GAB1: variants seen among roughly 807,000 people sequenced by gnomAD.
The protein encoded by GAB1 is GRB2 associated binding protein 1.
GAB1 carries 19 observed loss-of-function variants against 66.5 expected under a neutral mutation model. The ratio of observed to expected loss-of-function variants is 0.29; its 90% confidence interval spans 0.20 to 0.42. The LOEUF (loss-of-function observed/expected upper bound fraction) is 0.42. Among genes scored for constraint, GAB1 ranks in the 10% least tolerant of loss-of-function variants. GAB1 has a pLI of 1.00. For missense variants in GAB1, 732 were observed against 858.5 expected, an observed-to-expected ratio of 0.85 and a Z score of 1.84; for synonymous variants, 294 against 301.4, an observed-to-expected ratio of 0.98 and a Z score of 0.25.
intron 1 of GAB1, 111 bp from the exon 2 acceptor site, chr4:143,415,366 T>C (rs1732627070): frequency 2.4e-6 from 2 of 842,268 alleles, no homozygotes; most frequent in Middle Eastern, 3.6e-4. Context: ...CACACACATA[T>C]TGTGACTTTC....
chr4:143,421,256 G>A (rs964605705), intron 2 of GAB1, among the ~76,000 whole-genome samples: 3 of 152,076 alleles, frequency 2.0e-5, no homozygotes, highest in African/African-American at 7.2e-5. Flanking sequence ...ATTCCTTGTA[G>A]CATTTCATTG....
chr4:143,374,845 T>C (rs1462982330), intron 1 of GAB1, among the ~76,000 whole-genome samples: 1 of 152,204 alleles, frequency 6.6e-6, no homozygotes, highest in Non-Finnish European at 1.5e-5. Flanking sequence ...TGTGCAGTTA[T>C]TGCTTTGACA....
At chr4:143,340,289 G>A (rs1415512583) in intron 1 of GAB1, among the ~76,000 whole-genome samples, 2 of 152,232 alleles carry the variant, frequency 1.3e-5, no homozygotes, top group South Asian at 2.1e-4. Flanking sequence ...ATAATGATTT[G>A]TAATGAATGG....
chr4:143,372,862 A>G (rs906571), intron 1 of GAB1, among the ~76,000 whole-genome samples: 49,240 of 152,054 alleles, frequency 0.32, 8,204 homozygotes, highest in South Asian at 0.49. Context: ...TATGATGTCT[A>G]TACTCTTTAA....
intron 2 of GAB1, among the ~76,000 whole-genome samples, chr4:143,418,627 T>C (rs760140006): frequency 2.0e-5 from 3 of 152,230 alleles, no homozygotes; most frequent in Non-Finnish European, 4.4e-5. Flanking sequence ...CTGTTGGTTG[T>C]CTGTATAGAT....
intron 1 of GAB1, among the ~76,000 whole-genome samples, chr4:143,382,383 A>T (rs1730692347): frequency 6.6e-6 from 1 of 152,178 alleles, no homozygotes; most frequent in African/African-American, 2.4e-5. Context: ...GAAAGTATTC[A>T]TTGAAATAAC....
intron 2 of GAB1, among the ~76,000 whole-genome samples, chr4:143,429,585 A>G (rs1733544194): frequency 6.6e-6 from 1 of 152,150 alleles, no homozygotes; most frequent in South Asian, 2.1e-4. Flanking sequence ...GGAAAGTGGC[A>G]TTCTCTACTC....
At chr4:143,348,047 TCTC>T (rs1167805296) in intron 1 of GAB1, among the ~76,000 whole-genome samples, 3 of 152,172 alleles carry the variant, frequency 2.0e-5, no homozygotes, top group African/African-American at 7.2e-5. Flanking sequence ...CCCTGGTTGG[TCTC>T]CTCCTCTTTT....
chr4:143,352,356 T>G (rs1196925725), intron 1 of GAB1, among the ~76,000 whole-genome samples: 1 of 152,234 alleles, frequency 6.6e-6, no homozygotes, highest in Non-Finnish European at 1.5e-5. Context: ...TGTCTCATAT[T>G]CAGCCCACTC....
chr4:143,396,780 A>C (rs1731476951), intron 1 of GAB1, among the ~76,000 whole-genome samples: 1 of 152,216 alleles, frequency 6.6e-6, no homozygotes, highest in South Asian at 2.1e-4. Flanking sequence ...AGAGGAAGAA[A>C]TAATAAATAC....
chr4:143,343,709 T>C (rs1728898877), intron 1 of GAB1, among the ~76,000 whole-genome samples: 1 of 152,150 alleles, frequency 6.6e-6, no homozygotes, highest in African/African-American at 2.4e-5. Context: ...CAGGGAAGAC[T>C]CCGCAAATGA....
At chr4:143,451,274 A>G (rs866789596) in intron 6 of GAB1, among the ~76,000 whole-genome samples, 3 of 152,132 alleles carry the variant, frequency 2.0e-5, no homozygotes, top group African/African-American at 7.2e-5. Flanking sequence ...CAACATGCCC[A>G]GGTCCTTTAA....
chr4:143,452,784 C>G (rs898311808), intron 6 of GAB1, among the ~76,000 whole-genome samples: 2 of 152,140 alleles, frequency 1.3e-5, no homozygotes, highest in East Asian at 3.8e-4. Context: ...ATGCTGCACT[C>G]TTTGTTCAAA....
intron 3 of GAB1, 52 bp from the exon 4 acceptor site, chr4:143,437,947 T>G: frequency 6.6e-7 from 1 of 1,516,598 alleles, no homozygotes; most frequent in Middle Eastern, 1.8e-4. Context: ...TTATAAAAAA[T>G]GTATTCTTAG....
intron 1 of GAB1, among the ~76,000 whole-genome samples, chr4:143,357,605 G>A (rs1396297983): frequency 6.6e-6 from 1 of 152,090 alleles, no homozygotes; most frequent in South Asian, 2.1e-4. Flanking sequence ...ATGACAGTGT[G>A]ATGAGGTGGC....
chr4:143,450,863 C>T (rs919138072), intron 6 of GAB1, among the ~76,000 whole-genome samples: 4 of 151,214 alleles, frequency 2.6e-5, no homozygotes, highest in Non-Finnish European at 5.9e-5. Flanking sequence ...TGCACTCCAG[C>T]CTGGGCAACA....
At position 143,439,570 on chromosome 4, in the gene GAB1, C is replaced by T. The variant is rs1249726858; in HGVS notation, c.1196-232C>T. The T allele has an allele frequency of 8.9e-6, 4 of 449,144 alleles. No individual in the cohort carries two copies. The Admixed American group carries it at 1.4e-4, about 16-fold the overall frequency. 27.8% of individuals were successfully genotyped at this position (449,144 alleles called of 1,614,324 possible). The stretch of plus-strand genomic sequence containing the variant: ...CTTATCCCAGACTTAGACATTCACT[C>T]ACACTCAAAATTAGATATTGGTATT... On this transcript the variant is annotated intron_variant, in intron 4 of 9. Transcript: ENST00000262994.
intron 7 of GAB1, 80 bp from the exon 8 acceptor site, chr4:143,460,284 T>A (rs539226877): frequency 1.5e-6 from 2 of 1,315,018 alleles, no homozygotes; most frequent in South Asian, 2.4e-5. Flanking sequence ...GAATGCAGAC[T>A]GTCTCTCATT....
At chr4:143,381,979 T>C (rs1730676151) in intron 1 of GAB1, 1 of 152,194 alleles carries the variant, frequency 6.6e-6, no homozygotes, top group Admixed American at 6.6e-5. Flanking sequence ...GAACAGGATG[T>C]TGGAAGTCAG....
Sources: allele counts gnomAD v4.1 joint callset (sites outside exome capture counted in the v4.1 genomes callset), GRCh38; gene constraint gnomAD v4.1.1; transcripts MANE v1.5; gene names NCBI Gene and HGNC (gene_info 2026-07-23, HGNC 2026-07-21).